WDR1: variants seen among roughly 807,000 people sequenced by gnomAD.
WDR1 encodes the protein WD repeat-containing protein 1.
WDR1 carries 21 observed loss-of-function variants against 71.9 expected under a neutral mutation model. The observed-to-expected ratio is 0.29, with a 90% CI of 0.21 to 0.42. The LOEUF is 0.42. Ranked by LOEUF, WDR1 falls within the 10% of genes least tolerant of loss-of-function variation. WDR1 has a pLI of 1.00. For missense variants in WDR1, 696 were observed against 824.5 expected (o/e 0.84, Z 1.91); for synonymous variants, 424 against 347.4 (o/e 1.22, Z -2.45).
rs777100723 is a variant in WDR1 at position 10,099,016 on chromosome 4, G to A, written c.353C>T (p.Ala118Val). ...IAWTEDSKRI[A>V]VVGEGREKFG... is the part of the protein sequence containing the mutation. ...CTTCTCCCTTCCTTCCCCGACCACG[G>A]CGATCCTCTTACTGTCTTCAGTCCA... The change falls in exon 4 of 15, where the codon GCC (alanine) becomes GTC (valine). Residue 118 changes from alanine (A) to valine (V), a missense_variant. Coordinates refer to ENST00000499869, the MANE Select transcript of WDR1 (RefSeq NM_017491.5). The A allele has an allele frequency of 1.9e-6, 3 of 1,613,912 alleles. No homozygotes were observed. Among genetic ancestry groups the A allele is most frequent in the African/African-American group, 2.7e-5 (2 of 74,926 alleles).
In WDR1 at chr4:10,112,694, A is replaced by G. The variant is rs1198026455; in HGVS notation, c.138+3419T>C. 2.0e-5 allele frequency among the ~76,000 whole-genome samples: 3 copies of G among 152,362 alleles called. No individual in the cohort carries two copies. In the East Asian group the frequency reaches 5.8e-4, roughly 29 times the overall value. On this transcript the variant is annotated intron_variant, in intron 2 of 14. Transcript: ENST00000499869. Reference sequence around the variant, plus strand: ...ACAAAATTTAGGTCCGGCAATCTACACTGAGCTGAGCTTTCCTTGTTCTCA... The same window carrying G: ...ACAAAATTTAGGTCCGGCAATCTACGCTGAGCTGAGCTTTCCTTGTTCTCA...
chr4:10,101,534 G>C (rs1712684886), intron 3 of WDR1, among the ~76,000 whole-genome samples: 1 of 152,254 alleles, frequency 6.6e-6, no homozygotes, highest in Non-Finnish European at 1.5e-5. Flanking sequence ...AAGAACACTT[G>C]GACCTGAGGA....
intron 7 of WDR1, 140 bp downstream of exon 7, chr4:10,088,153 T>C: frequency 1.1e-6 from 1 of 951,676 alleles, no homozygotes; most frequent in Non-Finnish European, 1.6e-6. Flanking sequence ...CTTAAAGCTT[T>C]TCTGGGCAGA....
In WDR1 at chr4:10,087,676, C is replaced by A. The variant is rs369477614; in HGVS notation, c.951+31G>T. 3.0e-4 allele frequency: 467 copies of A among 1,536,184 alleles called. 2 individuals carry two copies. Among genetic ancestry groups the A allele is most frequent in the Non-Finnish European group, 7.6e-5 (86 of 1,137,616 alleles). ...TCTGGTCTCTTCCCTGTCCACCCAG[C>A]GGGCAGAGCCTTCCCCAGGGCAGGC... On this transcript the variant is annotated intron_variant, in intron 8 of 14. Transcript: ENST00000499869.
At chr4:10,103,559 C>T (rs1419047760) in intron 3 of WDR1, among the ~76,000 whole-genome samples, 2 of 152,122 alleles carry the variant, frequency 1.3e-5, no homozygotes, top group African/African-American at 4.8e-5. Context: ...TACACTAATA[C>T]TATCGATAGC....
intron 5 of WDR1, among the ~76,000 whole-genome samples, chr4:10,096,807 G>A (rs963177619): frequency 7.2e-5 from 11 of 151,954 alleles, no homozygotes; most frequent in South Asian, 6.2e-4. Context: ...GAGGAGTCCC[G>A]AGAACTTGGT....
intron 3 of WDR1, among the ~76,000 whole-genome samples, chr4:10,099,590 T>A (rs1326745948): frequency 1.3e-5 from 2 of 152,240 alleles, no homozygotes; most frequent in Non-Finnish European, 2.9e-5. Context: ...TACACCTGCC[T>A]CTCCTTTGCA....
At chr4:10,103,130 C>T (rs1176106387) in intron 3 of WDR1, among the ~76,000 whole-genome samples, 1 of 152,180 alleles carries the variant, frequency 6.6e-6, no homozygotes, top group Non-Finnish European at 1.5e-5. Flanking sequence ...CTGAGCCACA[C>T]AAAAGCCCAG....
chr4:10,082,280 T>G lies in WDR1; in HGVS notation c.1196+742A>C, dbSNP rs1006546832. Among the ~76,000 whole-genome samples, 8 of 152,326 alleles carry G rather than the reference T, an allele frequency of 5.3e-5. No individual in the cohort carries two copies. The East Asian group carries it at 1.5e-3, about 29-fold the overall frequency. On this transcript the variant is annotated intron_variant, in intron 10 of 14. Coordinates refer to ENST00000499869, the MANE Select transcript of WDR1 (RefSeq NM_017491.5). ...CTGCTAGGAGTTGCGTGCTGCACCCTGTGCCAGGCTCCCATCAACAGGCCC... is the reference window on the plus strand; with the variant it reads ...CTGCTAGGAGTTGCGTGCTGCACCCGGTGCCAGGCTCCCATCAACAGGCCC...
chr4:10,097,651 C>G (rs1416449249), intron 5 of WDR1, 60 bp downstream of exon 5: 2 of 1,547,438 alleles, frequency 1.3e-6, no homozygotes, highest in Non-Finnish European at 1.8e-6. Context: ...TAAACAGGCT[C>G]AGCCTCTGCT....
At chr4:10,081,593 G>A in intron 10 of WDR1, 149 bp from the exon 11 acceptor site, 1 of 518,774 alleles carries the variant, frequency 1.9e-6, no homozygotes, top group South Asian at 1.9e-5. Flanking sequence ...AATATGGGAT[G>A]GTAGCGAAAA....
chr4:10,088,863 T>C, intron 5 of WDR1, 122 bp from the exon 6 acceptor site: 2 of 792,284 alleles, frequency 2.5e-6, no homozygotes, highest in Non-Finnish European at 4.2e-6. Flanking sequence ...GTTAGTCCAC[T>C]GGAAAATTTC....
chr4:10,075,708 G>C lies in WDR1; in HGVS notation c.1715-224C>G. On this transcript the variant is annotated intron_variant, in intron 14 of 14. Transcript: ENST00000499869. ...GGGTACCTCTTTTTTGTGTGCTGCA[G>C]GGTAATTAGCAGCATCCCTGGCTCC... 2 of 585,662 alleles carry C rather than the reference G, an allele frequency of 3.4e-6. 1 individual carries two copies. Among genetic ancestry groups the C allele is most frequent in the South Asian group, 4.0e-5 (2 of 49,680 alleles). The allele number at this position is 585,662 out of a possible 1,614,324, so 36.3% of individuals were successfully genotyped here.
chr4:10,096,512 C>CAGGCCCAGCT (rs1246099922), intron 5 of WDR1: 6 of 152,294 alleles, frequency 3.9e-5, no homozygotes, highest in Admixed American at 1.3e-4. Context: ...CCTGCCCAGC[C>CAGGCCCAGCT]AGGCCCAGCT....
chr4:10,097,910 G>A lies in WDR1; in HGVS notation c.378-19C>T, dbSNP rs372261177. 48 of 1,447,610 alleles carry A rather than the reference G, an allele frequency of 3.3e-5. No individual in the cohort carries two copies. The African/African-American group carries it at 5.9e-4, about 18-fold the overall frequency. The allele number at this position is 1,447,610 out of a possible 1,614,324, so 89.7% of individuals were successfully genotyped here. A position where few individuals can be genotyped will look rare whatever the true frequency, so the allele number is the denominator to read the frequency against. Reference sequence around the variant, plus strand: ...TCCAAACCTTGACCCAATGACACAGGTGGAAGACAAAAAAAAAAAAAAAAA... The same window carrying A: ...TCCAAACCTTGACCCAATGACACAGATGGAAGACAAAAAAAAAAAAAAAAA... On this transcript the variant is annotated intron_variant, in intron 4 of 14. Transcript: ENST00000499869.
chr4:10,104,427 C>T (rs1203276252), intron 2 of WDR1, among the ~76,000 whole-genome samples: 1 of 152,170 alleles, frequency 6.6e-6, no homozygotes, highest in African/African-American at 2.4e-5. Flanking sequence ...CAATGTTGGA[C>T]CCCAAACTCA....
chr4:10,114,764 T>C (rs1033427507), intron 2 of WDR1, among the ~76,000 whole-genome samples: 2 of 152,222 alleles, frequency 1.3e-5, no homozygotes, highest in Admixed American at 6.5e-5. Flanking sequence ...TTCGGCTTTC[T>C]AGGAATCTGT....
intron 5 of WDR1, among the ~76,000 whole-genome samples, chr4:10,089,501 C>A (rs1022757287): frequency 3.6e-5 from 4 of 112,292 alleles, no homozygotes; most frequent in Non-Finnish European, 9.4e-5. Context: ...CCAGGGGCGA[C>A]TCTGTTACTC....
rs575327145 is a variant in WDR1, at chr4:10,094,350, C to G, written c.558+3361G>C. On this transcript the variant is annotated intron_variant, in intron 5 of 14. Coordinates refer to ENST00000499869, the MANE Select transcript of WDR1 (RefSeq NM_017491.5). ...CAACTGCTCACCCGACCGGAGGAAG[C>G]GGATGGCCAGAGAGGCAAAGAACCT... Among the ~76,000 whole-genome samples, 387 of 152,256 alleles carry G rather than the reference C, an allele frequency of 2.5e-3. 6 individuals are homozygous for G. The highest frequency in any genetic ancestry group is 9.1e-3 in the African/African-American group (377 of 41,538).
Sources: gnomAD v4.1 joint callset for allele counts (sites outside exome capture counted in the v4.1 genomes callset) on GRCh38, gnomAD v4.1.1 for gene constraint, MANE v1.5 for transcripts, NCBI Gene and HGNC (gene_info 2026-07-23, HGNC 2026-07-21) for gene names.